XIRP2: variants seen among roughly 807,000 people sequenced by gnomAD.
XIRP2 encodes the protein xin actin binding repeat containing 2.
XIRP2 carries 236 observed loss-of-function variants against 277.0 expected under a neutral mutation model. That is an observed-to-expected ratio of 0.85 (90% CI 0.77 to 0.95). The LOEUF (loss-of-function observed/expected upper bound fraction) is 0.95, where lower values mean the gene tolerates loss of function less well. XIRP2 is among the 40% of genes least tolerant of loss of function. The probability of loss-of-function intolerance (pLI) is 0.00; values close to 1 mark genes in which losing one functional copy is unlikely to be tolerated. For synonymous variants in XIRP2, 1,490 were observed against 1,416.5 expected (o/e 1.05, Z -1.17); for missense variants, 4,640 against 4,157.5 (o/e 1.12, Z -3.19).
chr2:166,944,888 G>T (rs1338094804), intron 2 of XIRP2, among the ~76,000 whole-genome samples: 3 of 152,090 alleles, frequency 2.0e-5, no homozygotes, highest in Non-Finnish European at 2.9e-5. Flanking sequence ...TAGAGATCAT[G>T]TACCGAATCT....
In XIRP2 at chr2:167,251,877, A is replaced by T. The variant is rs769450155; in HGVS notation, c.10485A>T (p.Gly3495=). The T allele has an allele frequency of 1.2e-6, 2 of 1,607,852 alleles. No homozygotes were observed. Among genetic ancestry groups the T allele is most frequent in the Non-Finnish European group, 1.7e-6 (2 of 1,177,712 alleles). The part of the protein sequence containing the change: ...QESGRVFKGL[G]YATADASATE... ...GTGGAAGAGTTTTTAAAGGCCTGGGATATGCAACCGCAGATGCTTCTGCAA... is the reference window on the plus strand; with the variant it reads ...GTGGAAGAGTTTTTAAAGGCCTGGGTTATGCAACCGCAGATGCTTCTGCAA... Residue 3495 remains glycine (G), a synonymous_variant, in exon 9 of 11, where the codon GGA becomes GGT. Coordinates refer to ENST00000409195, the MANE Select transcript of XIRP2 (RefSeq NM_152381.6).
intron 2 of XIRP2, among the ~76,000 whole-genome samples, chr2:167,006,045 C>G (rs1687495361): frequency 6.6e-6 from 1 of 151,720 alleles, no homozygotes; most frequent in South Asian, 2.1e-4. Flanking sequence ...TTTAGAATGT[C>G]AAATTCATGC....
intron 2 of XIRP2, among the ~76,000 whole-genome samples, chr2:167,074,363 A>T (rs2105254317): frequency 6.6e-6 from 1 of 152,216 alleles, no homozygotes; most frequent in East Asian, 1.9e-4. Flanking sequence ...TGACTTTTTA[A>T]AATACTTGAA....
chr2:167,026,754 C>A (rs1558953068), intron 2 of XIRP2, among the ~76,000 whole-genome samples: 3 of 152,032 alleles, frequency 2.0e-5, no homozygotes, highest in Non-Finnish European at 4.4e-5. Flanking sequence ...GTTGAAAATT[C>A]TTTTCTTTAA....
chr2:167,028,104 A>C (rs1486295098), intron 2 of XIRP2, among the ~76,000 whole-genome samples: 1 of 152,086 alleles, frequency 6.6e-6, no homozygotes, highest in Non-Finnish European at 1.5e-5. Context: ...AAACTATTCC[A>C]AGTAATCTTA....
intron 2 of XIRP2, among the ~76,000 whole-genome samples, chr2:167,131,238 T>G (rs1480128222): frequency 1.3e-5 from 2 of 152,178 alleles, no homozygotes; most frequent in Non-Finnish European, 2.9e-5. Context: ...CTACCCATGC[T>G]TTGGGTTCCA....
At chr2:167,162,385 A>C (rs113228222) in intron 3 of XIRP2, among the ~76,000 whole-genome samples, 15,056 of 152,272 alleles carry the variant, frequency 0.099, 799 homozygotes, top group South Asian at 0.16. Flanking sequence ...AGTTTAATGG[A>C]CTGACAGTTC....
intron 3 of XIRP2, among the ~76,000 whole-genome samples, chr2:167,183,950 G>C (rs1693088321): frequency 6.6e-6 from 1 of 152,092 alleles, no homozygotes; most frequent in African/African-American, 2.4e-5. Context: ...ATTTTTTTGA[G>C]AATCCGTGAG....
chr2:167,049,149 C>G (rs554069327), intron 2 of XIRP2, among the ~76,000 whole-genome samples: 1 of 150,708 alleles, frequency 6.6e-6, no homozygotes, highest in East Asian at 2.0e-4. Context: ...TTCTCTGCTT[C>G]TGGCTTGTGG....
intron 2 of XIRP2, among the ~76,000 whole-genome samples, chr2:166,996,545 T>C (rs564884961): frequency 1.4e-4 from 22 of 152,274 alleles, no homozygotes; most frequent in African/African-American, 5.3e-4. Flanking sequence ...GAGAATTGCT[T>C]GACCCCAGGA....
At chr2:167,181,125 C>G (rs1291990043) in intron 3 of XIRP2, among the ~76,000 whole-genome samples, 1 of 152,176 alleles carries the variant, frequency 6.6e-6, no homozygotes, top group African/African-American at 2.4e-5. Context: ...TTTTCCTTTT[C>G]TCTTGAGAGA....
intron 5 of XIRP2, among the ~76,000 whole-genome samples, chr2:167,218,622 T>C (rs981144519): frequency 2.6e-5 from 4 of 152,224 alleles, no homozygotes; most frequent in African/African-American, 9.6e-5. Context: ...ATGTTTATAC[T>C]GAGCCTCTGC....
At chr2:167,130,112 C>T (rs1448085699) in intron 2 of XIRP2, among the ~76,000 whole-genome samples, 2 of 152,020 alleles carry the variant, frequency 1.3e-5, no homozygotes, top group South Asian at 4.2e-4. Flanking sequence ...CCAAATACTT[C>T]TGTCACCTTC....
At chr2:166,957,713 T>A (rs1161648584) in intron 2 of XIRP2, among the ~76,000 whole-genome samples, 2 of 151,784 alleles carry the variant, frequency 1.3e-5, no homozygotes, top group Non-Finnish European at 1.5e-5. Flanking sequence ...ATTAAGCATA[T>A]ACACCCTATC....
chr2:166,984,836 G>A (rs928724355), intron 2 of XIRP2, among the ~76,000 whole-genome samples: 3 of 152,210 alleles, frequency 2.0e-5, no homozygotes, highest in Non-Finnish European at 2.9e-5. Flanking sequence ...TAGAGAATTA[G>A]GCAGATGCCA....
At chr2:166,939,597 G>A (rs1362823121) in intron 2 of XIRP2, among the ~76,000 whole-genome samples, 11 of 145,790 alleles carry the variant, frequency 7.5e-5, no homozygotes, top group Admixed American at 3.5e-4. Flanking sequence ...GGAGAATGGC[G>A]TGAACCCAGG....
chr2:166,909,049 G>C lies in XIRP2; in HGVS notation c.408+5159G>C, dbSNP rs541878068. ...GTAGTATAGTTTGAAGTCAGGTAGC[G>C]TGATGCCTCCAGCTTTGTTCTTTTG... On this transcript the variant is annotated intron_variant, in intron 2 of 10. Transcript: ENST00000409195. Among the ~76,000 whole-genome samples, 732 of 152,238 alleles carry C rather than the reference G, an allele frequency of 4.8e-3. 5 individuals carry two copies. Among genetic ancestry groups the C allele is most frequent in the African/African-American group, 0.017 (707 of 41,550 alleles).
intron 2 of XIRP2, among the ~76,000 whole-genome samples, chr2:166,950,350 C>T (rs1359992671): frequency 6.6e-6 from 1 of 151,944 alleles, no homozygotes; most frequent in Non-Finnish European, 1.5e-5. Context: ...ATTATATCTG[C>T]CTTTCCGTTC....
chr2:166,893,566 C>G (rs994165292), intron 1 of XIRP2, among the ~76,000 whole-genome samples: 1 of 152,174 alleles, frequency 6.6e-6, no homozygotes, highest in South Asian at 2.1e-4. Context: ...TAAAACATCC[C>G]CCTCACTTTG....
Sources: gnomAD v4.1 joint callset for allele counts (sites outside exome capture counted in the v4.1 genomes callset) on GRCh38, gnomAD v4.1.1 for gene constraint, MANE v1.5 for transcripts, NCBI Gene and HGNC (gene_info 2026-07-23, HGNC 2026-07-21) for gene names.